The following EXOG variants were observed in gnomAD, a reference collection of about 807,000 sequenced individuals.
The protein encoded by EXOG is exo/endonuclease G, also known as nuclease EXOG, mitochondrial.
EXOG carries 27 observed loss-of-function variants against 25.8 expected under a neutral mutation model. That is an observed-to-expected ratio of 1.05 (90% CI 0.77 to 1.45). EXOG has a LOEUF of 1.45. Among genes scored for constraint, EXOG ranks in the 40% most tolerant of loss-of-function variants. The pLI, the probability that EXOG is intolerant of heterozygous loss-of-function variation, is 0.00. For synonymous variants in EXOG, 133 were observed against 167.0 expected (o/e 0.80, Z 1.57); for missense variants, 458 against 450.5 (o/e 1.02, Z -0.15).
chr3:38,512,318 C>T (rs2060395434), intron 5 of EXOG, among the ~76,000 whole-genome samples: 1 of 152,210 alleles, frequency 6.6e-6, no homozygotes, highest in Middle Eastern at 3.4e-3. Context: ...AAATATATGA[C>T]ATTGTAATGA....
At chr3:38,518,665 A>G (rs1431551368) in intron 5 of EXOG, among the ~76,000 whole-genome samples, 2 of 152,212 alleles carry the variant, frequency 1.3e-5, no homozygotes, top group African/African-American at 4.8e-5. Flanking sequence ...TGTCCAGGCA[A>G]TGAAGCATAT....
intron 5 of EXOG, among the ~76,000 whole-genome samples, chr3:38,508,711 A>AC (rs10657688): frequency 0.46 from 60,369 of 131,792 alleles, 12,974 homozygotes; most frequent in East Asian, 0.56. Context: ...TTGAGGAACC[A>AC]CCCCCCCCCC....
intron 5 of EXOG, chr3:38,523,472 T>C: frequency 4.2e-6 from 1 of 240,412 alleles, no homozygotes; most frequent in Non-Finnish European, 6.7e-6. Flanking sequence ...CAAGCAATTC[T>C]TCTGCTTCAG....
In EXOG at chr3:38,496,392, C is replaced by G. The variant is rs751348639; in HGVS notation, c.25C>G (p.Arg9Gly). 19 of 1,613,896 alleles carry G rather than the reference C, an allele frequency of 1.2e-5. 1 individual carries two copies. In the South Asian group the frequency reaches 1.8e-4, roughly 15 times the overall value. The change falls in exon 1 of 6, where the codon CGC becomes GGC. Residue 9 changes from arginine to glycine, a missense_variant. By Grantham distance (125) the Arg-to-Gly change is moderately radical. Coordinates refer to ENST00000287675, the MANE Select transcript of EXOG (RefSeq NM_005107.4). MAIKSIAS[R>G]LRGSRRFLSG... ...GATGGCTATCAAGAGTATCGCTTCC[C>G]GCCTCCGGGGTTCCCGTCGTTTTCT... is the stretch of plus-strand genomic sequence containing the variant.
At chr3:38,498,801 G>C in intron 2 of EXOG, 1 of 395,670 alleles carries the variant, frequency 2.5e-6, no homozygotes, top group South Asian at 1.9e-5. Context: ...GAATGAGGGG[G>C]AAGGTGATGT....
At chr3:38,515,333 G>GA (rs1486274307) in intron 5 of EXOG, 1 of 152,612 alleles carries the variant, frequency 6.6e-6, no homozygotes, top group African/African-American at 2.4e-5. Flanking sequence ...GAGGTCACGG[G>GA]AATGTCTCAT....
In EXOG at chr3:38,526,127, C is replaced by G; in HGVS notation, c.*1765C>G. On this transcript the variant is annotated 3_prime_UTR_variant, in exon 6 of 6. Transcript: ENST00000287675. ...TCTTGATTTGGGTTTACACGGAGTC[C>G]TTTCATGGACTATCCTGAGTATTGT... 1 of 985,298 alleles carries G rather than the reference C, an allele frequency of 1.0e-6. No individual in the cohort carries two copies. The highest frequency in any genetic ancestry group is 1.2e-6 in the Non-Finnish European group (1 of 829,914). The allele number at this position is 985,298 out of a possible 1,614,324, so 61.0% of individuals were successfully genotyped here. A position where few individuals can be genotyped will look rare whatever the true frequency, so the allele number is the denominator to read the frequency against.
At chr3:38,500,600 C>T (rs976584464) in intron 2 of EXOG, among the ~76,000 whole-genome samples, 2 of 152,160 alleles carry the variant, frequency 1.3e-5, no homozygotes, top group African/African-American at 2.4e-5. Context: ...CCATTTTACA[C>T]TTCTTTGAAT....
In EXOG at chr3:38,496,376, C is replaced by T. The variant is rs756161009; in HGVS notation, c.9C>T (p.Ile3=). ...CCGGTACCTCGGGCAAGATGGCTAT[C>T]AAGAGTATCGCTTCCCGCCTCCGGG... is the stretch of plus-strand genomic sequence containing the variant. MA[I]KSIASRLRGS... is the part of the protein sequence containing the mutation. The change falls in exon 1 of 6, where the codon ATC becomes ATT. Residue 3 remains isoleucine, a synonymous_variant. Coordinates refer to ENST00000287675, the MANE Select transcript of EXOG (RefSeq NM_005107.4). The T allele has an allele frequency of 1.2e-6, 2 of 1,613,542 alleles. No homozygotes were observed. The highest frequency in any genetic ancestry group is 1.7e-6 in the Non-Finnish European group (2 of 1,179,724).
intron 5 of EXOG, among the ~76,000 whole-genome samples, chr3:38,512,974 TC>T (rs895635702): frequency 2.6e-5 from 4 of 152,140 alleles, no homozygotes; most frequent in African/African-American, 9.7e-5. Context: ...TTTTTAAGTT[TC>T]TTTTTTGTAG....
At chr3:38,497,112 G>A in intron 1 of EXOG, 2 of 999,482 alleles carry the variant, frequency 2.0e-6, no homozygotes, top group Non-Finnish European at 2.4e-6. Flanking sequence ...CTCATTTCTT[G>A]TACTTTGCGG....
intron 5 of EXOG, among the ~76,000 whole-genome samples, chr3:38,512,558 T>C (rs2060404031): frequency 6.6e-6 from 1 of 152,240 alleles, no homozygotes; most frequent in Non-Finnish European, 1.5e-5. Flanking sequence ...TAGTCATATA[T>C]ACTTAATTTT....
At chr3:38,508,289 G>A (rs1335547385) in intron 5 of EXOG, among the ~76,000 whole-genome samples, 1 of 152,176 alleles carries the variant, frequency 6.6e-6, no homozygotes, top group Non-Finnish European at 1.5e-5. Context: ...TTAAAGATAG[G>A]AGAGTGTAAT....
At chr3:38,498,522 T>G (rs1279661541) in intron 2 of EXOG, among the ~76,000 whole-genome samples, 2 of 151,026 alleles carry the variant, frequency 1.3e-5, no homozygotes, top group African/African-American at 4.9e-5. Context: ...AGCACCACAC[T>G]CCAGCTTAGG....
chr3:38,499,055 G>A (rs2059974417), intron 2 of EXOG: 1 of 444,296 alleles, frequency 2.3e-6, no homozygotes, highest in Non-Finnish European at 4.5e-6. Context: ...TATCAATGAG[G>A]GTTAACATGC....
In EXOG at chr3:38,525,621, C is replaced by T; in HGVS notation, c.*1259C>T. On this transcript the variant is annotated 3_prime_UTR_variant, in exon 6 of 6. Transcript: ENST00000287675. ...GATGTGTTCTTGCTTTCCAGGTGAG[C>T]TTTTTGTTCTTAAGATTAAGAAACC... 1.0e-6 allele frequency: 1 copy of T among 985,324 alleles called. No individual in the cohort carries two copies. The highest frequency in any genetic ancestry group is 1.2e-6 in the Non-Finnish European group (1 of 829,902). The allele number at this position is 985,324 out of a possible 1,614,324, so 61.0% of individuals were successfully genotyped here.
chr3:38,498,538 G>A (rs1461243625), intron 2 of EXOG, among the ~76,000 whole-genome samples: 1 of 151,454 alleles, frequency 6.6e-6, no homozygotes, highest in East Asian at 1.9e-4. Flanking sequence ...TTAGGCAACA[G>A]AGGGAGAATG....
intron 2 of EXOG, chr3:38,500,150 T>A (rs555616685): frequency 1.8e-4 from 29 of 156,986 alleles, no homozygotes; most frequent in Non-Finnish European, 3.3e-4. Context: ...AGATAAAAAG[T>A]TTGTTCCAGA....
At chr3:38,514,484 G>A (rs1006037058) in intron 5 of EXOG, among the ~76,000 whole-genome samples, 2 of 152,130 alleles carry the variant, frequency 1.3e-5, no homozygotes, top group South Asian at 4.1e-4. Flanking sequence ...TTGGACATTA[G>A]CGGTCAGGAA....
Sources: gnomAD v4.1 joint callset for allele counts (sites outside exome capture counted in the v4.1 genomes callset) on GRCh38, gnomAD v4.1.1 for gene constraint, MANE v1.5 for transcripts, NCBI Gene and HGNC (gene_info 2026-07-23, HGNC 2026-07-21) for gene names.